Variants in SLC35F1 observed in about 807,000 individuals in gnomAD.
SLC35F1 encodes solute carrier family 35 member F1.
A neutral mutation model predicts 48.7 loss-of-function variants in SLC35F1; 14 were observed. That is an observed-to-expected ratio of 0.29 (90% confidence interval 0.19 to 0.45). The LOEUF is 0.45. Ranked by LOEUF, SLC35F1 falls within the 20% of genes least tolerant of loss-of-function variation. The pLI is 1.00. For synonymous variants in SLC35F1, 190 were observed against 202.2 expected (o/e 0.94, Z 0.51); for missense variants, 404 against 500.0 (o/e 0.81, Z 1.83).
At chr6:118,269,963 C>T (rs113814365) in intron 4 of SLC35F1, among the ~76,000 whole-genome samples, 1,851 of 152,112 alleles carry the variant, frequency 0.012, 12 homozygotes, top group Non-Finnish European at 0.015. Context: ...AGGAGTTTAA[C>T]GTTATAGTGA....
At chr6:118,204,174 G>A (rs1422567917) in intron 2 of SLC35F1, among the ~76,000 whole-genome samples, 1 of 151,802 alleles carries the variant, frequency 6.6e-6, no homozygotes, top group Non-Finnish European at 1.5e-5. Flanking sequence ...GACAGCCAGG[G>A]AGCCCAGCCC....
At chr6:117,926,188 G>T (rs977551479) in intron 1 of SLC35F1, among the ~76,000 whole-genome samples, 4 of 151,706 alleles carry the variant, frequency 2.6e-5, no homozygotes, top group Non-Finnish European at 5.9e-5. Flanking sequence ...AATCATGAGG[G>T]TGGTTTCCGC....
intron 1 of SLC35F1, among the ~76,000 whole-genome samples, chr6:117,960,100 G>A (rs754049838): frequency 9.9e-5 from 15 of 152,016 alleles, no homozygotes; most frequent in Non-Finnish European, 1.6e-4. Context: ...ATTGAAGAGG[G>A]TGCTAGGGTT....
intron 1 of SLC35F1, among the ~76,000 whole-genome samples, chr6:117,972,870 G>A (rs1315667926): frequency 6.6e-6 from 1 of 152,102 alleles, no homozygotes; most frequent in Non-Finnish European, 1.5e-5. Context: ...GGATACTTCT[G>A]TTTTTCTTCA....
intron 1 of SLC35F1, among the ~76,000 whole-genome samples, chr6:117,943,507 G>A (rs1370801605): frequency 1.3e-5 from 2 of 152,158 alleles, no homozygotes; most frequent in African/African-American, 2.4e-5. Flanking sequence ...TGAAGTGATG[G>A]ACATTGATAC....
intron 2 of SLC35F1, among the ~76,000 whole-genome samples, chr6:118,157,283 G>GA (rs1163445871): frequency 6.6e-6 from 1 of 151,676 alleles, no homozygotes. Flanking sequence ...AGACCTTTTT[G>GA]AAAAAAAGGA....
At chr6:118,011,124 A>C (rs955559064) in intron 1 of SLC35F1, among the ~76,000 whole-genome samples, 1 of 152,148 alleles carries the variant, frequency 6.6e-6, no homozygotes, top group Non-Finnish European at 1.5e-5. Flanking sequence ...TTTTCCACGG[A>C]TGGTGGGGGA....
At chr6:118,200,297 T>G (rs925022989) in intron 2 of SLC35F1, among the ~76,000 whole-genome samples, 2 of 152,144 alleles carry the variant, frequency 1.3e-5, no homozygotes, top group Non-Finnish European at 2.9e-5. Flanking sequence ...AGTATAGAAC[T>G]GGGCTCAATT....
At chr6:118,063,922 A>G (rs1772577918) in intron 1 of SLC35F1, among the ~76,000 whole-genome samples, 1 of 152,234 alleles carries the variant, frequency 6.6e-6, no homozygotes, top group Non-Finnish European at 1.5e-5. Flanking sequence ...ATGATTAATC[A>G]TATAAAGAAG....
At chr6:118,152,260 T>C (rs1261023038) in intron 1 of SLC35F1, among the ~76,000 whole-genome samples, 3 of 152,132 alleles carry the variant, frequency 2.0e-5, no homozygotes, top group Non-Finnish European at 4.4e-5. Context: ...ACTGCTGAAG[T>C]GCAAGTAGCT....
rs772014633 is a variant in SLC35F1 at position 117,907,736 on chromosome 6, C to G, written c.10C>G (p.Pro4Ala). 23 of 1,541,796 alleles carry G rather than the reference C, an allele frequency of 1.5e-5. No individual in the cohort carries two copies. The African/African-American group carries it at 2.1e-4, about 14-fold the overall frequency. Residue 4 changes from proline to alanine, a missense_variant, in exon 1 of 8, where the codon CCT (proline) becomes GCT (alanine). Physicochemically the swap from Pro to Ala is conservative, Grantham distance 27. Coordinates refer to ENST00000360388, the MANE Select transcript of SLC35F1 (RefSeq NM_001029858.4). ...CTCAGCCTCTGCCGCGATGATCCCC[C>G]CTGAGCAGCCGCAGCAGCAGCTGCA... MIP[P>A]EQPQQQLQPP...
intron 1 of SLC35F1, among the ~76,000 whole-genome samples, chr6:117,940,524 CA>C (rs1160021518): frequency 3.5e-4 from 53 of 152,312 alleles, no homozygotes; most frequent in African/African-American, 1.3e-3. Context: ...ATCAGTATCT[CA>C]AAGAGATATC....
At chr6:118,197,110 T>G (rs1222160947) in intron 2 of SLC35F1, among the ~76,000 whole-genome samples, 2 of 152,164 alleles carry the variant, frequency 1.3e-5, no homozygotes, top group African/African-American at 4.8e-5. Flanking sequence ...ACATCAAGTT[T>G]TACACCATAA....
In SLC35F1 at chr6:118,246,084, T is replaced by C. The variant is rs372321690; in HGVS notation, c.477+10448T>C. 3.9e-5 allele frequency among the ~76,000 whole-genome samples: 6 copies of C among 152,280 alleles called. No individual in the cohort carries two copies. In the East Asian group the frequency reaches 9.7e-4, roughly 25 times the overall value. ...CTCCTTCCAGGGATACCGGGCCTGG[T>C]TCAGCCTCTAGAGAGAAGAGGCAAC... On this transcript the variant is annotated intron_variant, in intron 3 of 7. Transcript: ENST00000360388.
chr6:118,228,913 C>T (rs1025680293), intron 2 of SLC35F1, among the ~76,000 whole-genome samples: 1 of 151,378 alleles, frequency 6.6e-6, no homozygotes, highest in African/African-American at 2.4e-5. Flanking sequence ...CATGAGATCC[C>T]TTAATGAAAA....
At chr6:118,266,954 C>T (rs1775780888) in intron 3 of SLC35F1, 41 bp from the exon 4 acceptor site, 2 of 1,606,238 alleles carry the variant, frequency 1.2e-6, no homozygotes, top group African/African-American at 1.3e-5. Flanking sequence ...ATGCTTCCTC[C>T]TGAATCTCCT....
At chr6:118,236,705 G>A (rs1240154325) in intron 3 of SLC35F1, among the ~76,000 whole-genome samples, 2 of 152,156 alleles carry the variant, frequency 1.3e-5, no homozygotes. Context: ...GAGCTTTTGT[G>A]GGATCAGATT....
At chr6:118,152,276 A>G (rs889905066) in intron 1 of SLC35F1, among the ~76,000 whole-genome samples, 2 of 152,196 alleles carry the variant, frequency 1.3e-5, no homozygotes, top group Non-Finnish European at 2.9e-5. Flanking sequence ...TAGCTCTGTA[A>G]GGCTGAAAGT....
intron 1 of SLC35F1, among the ~76,000 whole-genome samples, chr6:117,968,104 C>T (rs988520392): frequency 6.6e-6 from 1 of 152,116 alleles, no homozygotes; most frequent in Non-Finnish European, 1.5e-5. Flanking sequence ...CCTAGTAGAA[C>T]TTTCTTGTTT....
Sources: gnomAD v4.1 joint callset for allele counts (sites outside exome capture counted in the v4.1 genomes callset) on GRCh38, gnomAD v4.1.1 for gene constraint, MANE v1.5 for transcripts, NCBI Gene and HGNC (gene_info 2026-07-23, HGNC 2026-07-21) for gene names.